Variants in POLH observed in about 807,000 individuals in gnomAD.
POLH encodes DNA polymerase eta.
Under a neutral mutation model 73.6 loss-of-function variants are expected in POLH, and 53 were observed. The ratio of observed to expected loss-of-function variants is 0.72; its 90% CI spans 0.58 to 0.91. The LOEUF is 0.91. Among genes scored for constraint, POLH ranks in the 40% least tolerant of loss-of-function variants. POLH has a pLI of 0.00. For missense variants in POLH, 768 were observed against 865.4 expected (o/e 0.89, Z 1.41); for synonymous variants, 292 against 308.5 (o/e 0.95, Z 0.56).
At chr6:43,589,083 C>G (rs1765161055) in intron 4 of POLH, among the ~76,000 whole-genome samples, 1 of 152,174 alleles carries the variant, frequency 6.6e-6, no homozygotes, top group Non-Finnish European at 1.5e-5. Flanking sequence ...TGTGATCCGC[C>G]CGCCTCGGCC....
At chr6:43,586,463 A>AT (rs1488167925) in intron 3 of POLH, among the ~76,000 whole-genome samples, 1 of 152,218 alleles carries the variant, frequency 6.6e-6, no homozygotes, top group Admixed American at 6.5e-5. Context: ...CCTGGGAGAC[A>AT]AGAGCGAGAC....
At chr6:43,578,627 A>G (rs1489321344) in intron 1 of POLH, among the ~76,000 whole-genome samples, 1 of 152,176 alleles carries the variant, frequency 6.6e-6, no homozygotes, top group East Asian at 1.9e-4. Context: ...GCCAATGTTC[A>G]TTTTTAAATT....
chr6:43,607,171 T>C (rs1767397425), intron 9 of POLH, among the ~76,000 whole-genome samples: 1 of 152,238 alleles, frequency 6.6e-6, no homozygotes, highest in Non-Finnish European at 1.5e-5. Context: ...CTCGGCTCAC[T>C]GCAACATCCG....
rs894218562 is a variant in POLH at position 43,616,104 on chromosome 6, G to A, written c.*1547G>A. Among the ~76,000 whole-genome samples, 22 of 151,882 alleles carry A rather than the reference G, an allele frequency of 1.4e-4. No individual in the cohort carries two copies. In the East Asian group the frequency reaches 4.1e-3, roughly 28 times the overall value. On this transcript the variant is annotated 3_prime_UTR_variant, in exon 11 of 11. Transcript: ENST00000372236. ...GAGATCGAGACCACGGTGAAACCCC[G>A]TCTCTACTAAAAAATACAAAAAAAA...
intron 4 of POLH, among the ~76,000 whole-genome samples, chr6:43,591,538 C>T (rs1456750976): frequency 1.3e-5 from 2 of 151,778 alleles, no homozygotes; most frequent in African/African-American, 2.4e-5. Flanking sequence ...AGGCTGGTCT[C>T]AAACTCCTGG....
At chr6:43,592,512 C>T (rs1237930381) in intron 4 of POLH, among the ~76,000 whole-genome samples, 6 of 151,208 alleles carry the variant, frequency 4.0e-5, no homozygotes, top group African/African-American at 1.5e-4. Context: ...CCCGGGTTCA[C>T]GCCATTCTCC....
intron 4 of POLH, among the ~76,000 whole-genome samples, chr6:43,597,038 A>G (rs1766138293): frequency 6.6e-6 from 1 of 152,160 alleles, no homozygotes; most frequent in African/African-American, 2.4e-5. Context: ...CTTGGAGAAG[A>G]TGTTTAAGTG....
Position 43,614,276 on chromosome 6 carries a change from AC to A in POLH, c.1865del (p.Pro622GlnfsTer6), listed in dbSNP as rs1251274398. 1 of 1,598,402 alleles carries A rather than the reference AC, an allele frequency of 6.3e-7. No homozygotes were observed. The highest frequency in any genetic ancestry group is 1.3e-5 in the African/African-American group (1 of 74,424). On this transcript the variant is annotated frameshift_variant, in exon 11 of 11. Transcript: ENST00000372236. LOFTEE classifies it high-confidence loss of function. ...TGTGCTGGAGGTGACTCAGAAAGCA[AC>A]CCCAAATCCAAGTCTTCTAGCTGCT... ...KSVLEVTQKA[T>X]PNPSLLAAED...
At chr6:43,578,390 A>AAAC (rs370122518) in intron 1 of POLH, 22 of 436,824 alleles carry the variant, frequency 5.0e-5, no homozygotes, top group East Asian at 7.5e-5. Flanking sequence ...TCTAACTCAA[A>AAAC]AACAACAACA....
In POLH at chr6:43,605,274, A is replaced by C. The variant is rs775604947; in HGVS notation, c.1029A>C (p.Gln343His). Residue 343 changes from glutamine to histidine, a missense_variant, in exon 9 of 11, where the codon CAA becomes CAC. By Grantham distance (24) the Gln-to-His change is conservative. Transcript: ENST00000372236. The stretch of plus-strand genomic sequence containing the variant: ...TTTAGGTACAATGGTGGCTGTTGCA[A>C]TTAGCCCAGGAACTAGAGGAGAGAC... Reference protein sequence around the residue: ...TREQVQWWLLQLAQELEERLT... With the variant: ...TREQVQWWLLHLAQELEERLT... 1.7e-5 allele frequency: 27 copies of C among 1,594,182 alleles called. No homozygotes were observed. Among genetic ancestry groups the C allele is most frequent in the Non-Finnish European group, 2.2e-5 (26 of 1,162,052 alleles).
chr6:43,580,133 A>G (rs1351414781), intron 1 of POLH, among the ~76,000 whole-genome samples: 1 of 149,242 alleles, frequency 6.7e-6, no homozygotes, highest in Non-Finnish European at 1.5e-5. Context: ...GCTGCCTTCA[A>G]GCATCTGTTT....
intron 4 of POLH, chr6:43,591,233 C>T (rs112138373): frequency 3.9e-5 from 6 of 152,134 alleles, no homozygotes; most frequent in Admixed American, 2.6e-4. Flanking sequence ...ATTCTGGGAC[C>T]AGAGTCAGAA....
intron 10 of POLH, among the ~76,000 whole-genome samples, chr6:43,611,203 C>T (rs1233848102): frequency 1.3e-5 from 2 of 152,214 alleles, no homozygotes; most frequent in Non-Finnish European, 2.9e-5. Flanking sequence ...TGATACATTC[C>T]AGTTCCCAGG....
chr6:43,585,378 CTCTT>C (rs985422721), intron 3 of POLH, among the ~76,000 whole-genome samples: 3 of 152,132 alleles, frequency 2.0e-5, no homozygotes, highest in Non-Finnish European at 2.9e-5. Flanking sequence ...TGCAGTATCT[CTCTT>C]CCTCTCCCCT....
Position 43,617,916 on chromosome 6 carries a change from C to CA in POLH, c.*3372dup, listed in dbSNP as rs397944590. On this transcript the variant is annotated 3_prime_UTR_variant, in exon 11 of 11. Coordinates refer to ENST00000372236, the MANE Select transcript of POLH (RefSeq NM_006502.3). ...CCCTGGCGACACAGCAAGACTGTCT[C>CA]AAAAAAAAAAAAATTCCCAATGTGT... Among the ~76,000 whole-genome samples the CA allele has an allele frequency of 0.058, 7,887 of 136,758 alleles. 653 individuals are homozygous for CA. The highest frequency in any genetic ancestry group is 0.19 in the African/African-American group (7,272 of 38,088). The allele number at this position is 136,758 out of a possible 152,430, so 89.7% of individuals were successfully genotyped here.
At chr6:43,584,214 C>T (rs577435849) in intron 3 of POLH, among the ~76,000 whole-genome samples, 1 of 152,214 alleles carries the variant, frequency 6.6e-6, no homozygotes, top group African/African-American at 2.4e-5. Flanking sequence ...ATTCTAGTAT[C>T]TATGTTCTCA....
At chr6:43,603,825 CT>C in intron 6 of POLH, 66 bp from the exon 7 acceptor site, 1 of 1,534,018 alleles carries the variant, frequency 6.5e-7, no homozygotes, top group Non-Finnish European at 9.0e-7. Context: ...AGTAGAATGT[CT>C]TACGTTTGCT....
chr6:43,580,976 G>A (rs1764096210), intron 1 of POLH, among the ~76,000 whole-genome samples: 1 of 145,698 alleles, frequency 6.9e-6, no homozygotes, highest in Non-Finnish European at 1.5e-5. Context: ...TGGGGCGGCT[G>A]GCCGGGCGGG....
intron 4 of POLH, among the ~76,000 whole-genome samples, chr6:43,589,818 T>G (rs1241979622): frequency 6.6e-6 from 1 of 152,026 alleles, no homozygotes; most frequent in East Asian, 1.9e-4. Flanking sequence ...CCATCATGCC[T>G]GGCTAATTTT....
Sources: allele counts gnomAD v4.1 joint callset (sites outside exome capture counted in the v4.1 genomes callset), GRCh38; gene constraint gnomAD v4.1.1; transcripts MANE v1.5; gene names NCBI Gene and HGNC (gene_info 2026-07-23, HGNC 2026-07-21).